EFCAB13: variants seen among roughly 807,000 people sequenced by gnomAD.
EFCAB13 encodes the protein EF-hand calcium-binding domain-containing protein 13.
Under a neutral mutation model 110.2 loss-of-function variants are expected in EFCAB13, and 91 were observed. The observed-to-expected ratio is 0.83, with a 90% CI of 0.70 to 0.98. The LOEUF is 0.98. Ranked by LOEUF, EFCAB13 falls within the 50% of genes least tolerant of loss-of-function variation. The probability of loss-of-function intolerance (pLI) is 0.00; values close to 1 mark genes in which losing one functional copy is unlikely to be tolerated. For synonymous variants in EFCAB13, 323 were observed against 369.9 expected (o/e 0.87, Z 1.45); for missense variants, 968 against 1,119.4 (o/e 0.86, Z 1.93).
intron 15 of EFCAB13, 49 bp downstream of exon 15, chr17:47,391,629 G>T: frequency 4.2e-6 from 6 of 1,445,094 alleles, no homozygotes; most frequent in African/African-American, 1.5e-5. Flanking sequence ...CTGGAAGGAG[G>T]GTCAATTTGT....
chr17:47,405,434 G>A (rs1197889922), intron 20 of EFCAB13, among the ~76,000 whole-genome samples: 1 of 152,004 alleles, frequency 6.6e-6, no homozygotes, highest in Non-Finnish European at 1.5e-5. Flanking sequence ...TCAACAGGGG[G>A]TATTATTTAT....
At chr17:47,353,358 A>G (rs2065463769) in intron 9 of EFCAB13, among the ~76,000 whole-genome samples, 1 of 151,770 alleles carries the variant, frequency 6.6e-6, no homozygotes, top group Non-Finnish European at 1.5e-5. Context: ...GCAGTGACAC[A>G]ATCTTGGCTC....
rs1311231267 is a variant in EFCAB13 at position 47,431,738 on chromosome 17, G to T, written c.2638+1777G>T. On this transcript the variant is annotated intron_variant, in intron 24 of 24. Transcript: ENST00000331493. This position sits in a 1 kb window ranked among gnomAD's most constrained non-coding sequence, Gnocchi z 4.1. The stretch of plus-strand genomic sequence containing the variant: ...GATTGAGAAGAATATATAGTCTGCA[G>T]TTGGGTTGGGTGAGAGTGTTCTATA... Among the ~76,000 whole-genome samples the T allele has an allele frequency of 6.6e-6, 1 of 152,148 alleles. No individual in the cohort carries two copies. The highest frequency in any genetic ancestry group is 1.5e-5 in the Non-Finnish European group (1 of 68,026).
chr17:47,348,651 C>T (rs935353688), intron 9 of EFCAB13, among the ~76,000 whole-genome samples: 15 of 151,746 alleles, frequency 9.9e-5, no homozygotes, highest in African/African-American at 1.7e-4. Context: ...AATAGATATA[C>T]GGTTATTATC....
At chr17:47,340,554 G>A (rs1304604901) in intron 5 of EFCAB13, among the ~76,000 whole-genome samples, 1 of 151,590 alleles carries the variant, frequency 6.6e-6, no homozygotes, top group African/African-American at 2.4e-5. Flanking sequence ...AGGAATGATA[G>A]ATTTATAATA....
At chr17:47,418,435 A>C (rs1017989941) in intron 23 of EFCAB13, among the ~76,000 whole-genome samples, 5 of 152,218 alleles carry the variant, frequency 3.3e-5, no homozygotes, top group African/African-American at 1.2e-4. Flanking sequence ...TTTTAAAATC[A>C]GGCTTTTTAT....
rs115864607 is a variant in EFCAB13 at position 47,404,673 on chromosome 17, C to T, written c.2233+40C>T. 71 of 1,470,488 alleles carry T rather than the reference C, an allele frequency of 4.8e-5. No homozygotes were observed. In the African/African-American group the frequency reaches 9.7e-4, roughly 20 times the overall value. 91.1% of individuals were successfully genotyped at this position (1,470,488 alleles called of 1,614,324 possible). On this transcript the variant is annotated intron_variant, in intron 20 of 24. Coordinates refer to ENST00000331493, the MANE Select transcript of EFCAB13 (RefSeq NM_152347.5). ...GTAATACTGTTAGAAGGCAATGATACAGAACTTATTCAAAGTTCACCTAGT... is the reference window on the plus strand; with the variant it reads ...GTAATACTGTTAGAAGGCAATGATATAGAACTTATTCAAAGTTCACCTAGT...
intron 5 of EFCAB13, among the ~76,000 whole-genome samples, chr17:47,338,103 G>A (rs1169793135): frequency 1.3e-5 from 2 of 152,104 alleles, no homozygotes; most frequent in African/African-American, 4.8e-5. Flanking sequence ...ATGTAATGGA[G>A]TGGAAGTCAT....
At chr17:47,417,110 A>G (rs9890337) in intron 23 of EFCAB13, among the ~76,000 whole-genome samples, 32 of 152,230 alleles carry the variant, frequency 2.1e-4, no homozygotes, top group African/African-American at 7.7e-4. Context: ...ACAATAACAC[A>G]GCTAGAGAAA....
intron 23 of EFCAB13, chr17:47,423,535 G>A (rs986551593): frequency 1.7e-5 from 5 of 289,292 alleles, no homozygotes; most frequent in African/African-American, 1.1e-4. Context: ...CCCGATCCCC[G>A]GCCGTGCCAG....
chr17:47,421,641 G>GAAAAA (rs375256582), intron 23 of EFCAB13, among the ~76,000 whole-genome samples: 6 of 129,394 alleles, frequency 4.6e-5, no homozygotes, highest in Non-Finnish European at 9.7e-5. Context: ...AAGAAAGAAA[G>GAAAAA]AAAAAAAAAA....
chr17:47,390,855 C>T (rs2065702483), intron 14 of EFCAB13, among the ~76,000 whole-genome samples: 2 of 152,000 alleles, frequency 1.3e-5, no homozygotes, highest in Admixed American at 1.3e-4. Flanking sequence ...ATTGGTGCTT[C>T]CTTAGGTTCA....
chr17:47,402,916 G>A (rs909180305), intron 18 of EFCAB13, among the ~76,000 whole-genome samples: 2 of 152,204 alleles, frequency 1.3e-5, no homozygotes, highest in Admixed American at 1.3e-4. Flanking sequence ...ACAGGAAAAT[G>A]CTATTCTGCT....
chr17:47,379,340 T>C, intron 14 of EFCAB13, 87 bp downstream of exon 14: 1 of 1,026,272 alleles, frequency 9.7e-7, no homozygotes, highest in Non-Finnish European at 1.5e-6. Flanking sequence ...GGCTTGCTTT[T>C]GGATGGATAC....
chr17:47,399,945 A>G (rs2065770176), intron 17 of EFCAB13, among the ~76,000 whole-genome samples: 1 of 152,320 alleles, frequency 6.6e-6, no homozygotes, highest in African/African-American at 2.4e-5. Flanking sequence ...GAGGGTATGG[A>G]AAATGGTCAA....
intron 17 of EFCAB13, among the ~76,000 whole-genome samples, chr17:47,401,608 A>T (rs2143443268): frequency 1.4e-5 from 2 of 138,150 alleles, no homozygotes; most frequent in Admixed American, 1.4e-4. Context: ...TATTGTTTCC[A>T]TTGATTGATT....
At chr17:47,348,486 T>C (rs1245737298) in intron 9 of EFCAB13, among the ~76,000 whole-genome samples, 2 of 152,178 alleles carry the variant, frequency 1.3e-5, no homozygotes, top group African/African-American at 2.4e-5. Context: ...TAAAAAACTT[T>C]AGTAAACAGT....
At chr17:47,340,766 ATT>A (rs58304526) in intron 5 of EFCAB13, among the ~76,000 whole-genome samples, 1,264 of 54,014 alleles carry the variant, frequency 0.023, 48 homozygotes, top group African/African-American at 0.11. Flanking sequence ...CACCTGGCTA[ATT>A]TTTTTTTTTT....
At position 47,341,931 on chromosome 17, in the gene EFCAB13, T is replaced by C; in HGVS notation, c.202T>C (p.Ser68Pro). 1 of 1,547,406 alleles carries C rather than the reference T, an allele frequency of 6.5e-7. No individual in the cohort carries two copies. The change falls in exon 6 of 25, where the codon TCA becomes CCA. Residue 68 changes from serine (S) to proline (P), a missense_variant. By Grantham distance (74) the Ser-to-Pro change is moderately conservative. Transcript: ENST00000331493. The stretch of plus-strand genomic sequence containing the variant: ...TTCTGTGTCATTTAGATTTGAAACA[T>C]CAATAATCTTTTGTGGAGAAGAAAA... ...SPEYKKIFETSIIFCGEEKSS... is the reference protein window; with the variant it reads ...SPEYKKIFETPIIFCGEEKSS...
Sources: gnomAD v4.1 joint callset for allele counts (sites outside exome capture counted in the v4.1 genomes callset) on GRCh38, gnomAD v4.1.1 for gene constraint, Gnocchi (gnomAD v3.1) non-coding constraint, MANE v1.5 for transcripts, NCBI Gene and HGNC (gene_info 2026-07-23, HGNC 2026-07-21) for gene names.